The following ARAP2 variants were observed in gnomAD, a reference collection of about 807,000 sequenced individuals.
ARAP2 encodes ArfGAP with RhoGAP domain, ankyrin repeat and PH domain 2.
In ARAP2, 148 loss-of-function variants were observed where a neutral mutation model predicts 194.5. The observed-to-expected ratio is 0.76, with a 90% confidence interval of 0.67 to 0.87. ARAP2 has a LOEUF of 0.87. Ranked by LOEUF, ARAP2 falls within the 40% of genes least tolerant of loss-of-function variation. The pLI, the probability that ARAP2 is intolerant of heterozygous loss-of-function variation, is 0.00. For synonymous variants in ARAP2, 695 were observed against 683.5 expected (o/e 1.02, Z -0.26); for missense variants, 2,128 against 1,989.7 (o/e 1.07, Z -1.32).
chr4:36,216,753 C>T (rs1170179675), intron 2 of ARAP2, among the ~76,000 whole-genome samples: 2 of 151,918 alleles, frequency 1.3e-5, no homozygotes, highest in African/African-American at 2.4e-5. Flanking sequence ...CTAAAAAAAA[C>T]TAATAATCTA....
At chr4:36,055,683 C>T (rs1485178369) in intron 2 of ARAP2, among the ~76,000 whole-genome samples, 2 of 152,158 alleles carry the variant, frequency 1.3e-5, no homozygotes, top group African/African-American at 4.8e-5. Flanking sequence ...CCTACCTCAA[C>T]CTCCCAAGGA....
chr4:36,133,196 A>C, intron 20 of ARAP2, 30 bp downstream of exon 20: 1 of 1,606,118 alleles, frequency 6.2e-7, no homozygotes. Flanking sequence ...ATCAGTTCTA[A>C]GGGTTGAATA....
intron 19 of ARAP2, among the ~76,000 whole-genome samples, chr4:36,138,754 A>C (rs1184739463): frequency 6.6e-6 from 1 of 151,734 alleles, no homozygotes; most frequent in African/African-American, 2.4e-5. Context: ...TGTATAGTTA[A>C]GTGTAAACCA....
chr4:36,201,366 T>C (rs772405628), intron 6 of ARAP2, among the ~76,000 whole-genome samples: 8 of 152,188 alleles, frequency 5.3e-5, no homozygotes, highest in Admixed American at 6.5e-5. Flanking sequence ...TAGGTAGTAA[T>C]AACATTTGAC....
At position 36,187,545 on chromosome 4, in the gene ARAP2, G is replaced by A; in HGVS notation, c.1584C>T (p.Pro528=). Residue 528 remains proline, a synonymous_variant, in exon 8 of 33, where the codon CCC becomes CCT. Transcript: ENST00000303965. ...CTCGTACTGTTGATATAGCAGAAAG[G>A]GGAATTATTCCTTTCGAATACATCT... ...EKEMYSKGII[P]LSAISTVRVQ... is the part of the protein sequence containing the mutation. 3.2e-6 allele frequency: 5 copies of A among 1,563,262 alleles called. No individual in the cohort carries two copies. The highest frequency in any genetic ancestry group is 3.4e-6 in the Non-Finnish European group (4 of 1,159,492).
At chr4:36,165,475 G>C (rs1487293160) in intron 10 of ARAP2, among the ~76,000 whole-genome samples, 1 of 152,022 alleles carries the variant, frequency 6.6e-6, no homozygotes, top group Admixed American at 6.6e-5. Context: ...AGGGCTACTG[G>C]AATATTTTGC....
chr4:36,200,458 T>C, intron 6 of ARAP2, among the ~76,000 whole-genome samples: 1 of 152,084 alleles, frequency 6.6e-6, no homozygotes, highest in East Asian at 1.9e-4. Context: ...TTTCTCCGTG[T>C]TGGTCAGGCT....
Position 36,151,028 on chromosome 4 carries a change from C to T in ARAP2, c.2769G>A (p.Trp923Ter), listed in dbSNP as rs1350535206. Reference sequence around the variant, plus strand: ...TCAAGAAGCCTCCTTCCAAAACACACCATTTTTTATTTGTCTCTAAGAATT... The same window carrying T: ...TCAAGAAGCCTCCTTCCAAAACACATCATTTTTTATTTGTCTCTAAGAATT... ...KKLLEETNKKWCVLEGGFLSY... is the reference protein window; with the variant it reads ...KKLLEETNKK The change falls in exon 16 of 33, where the codon TGG becomes TGA. Residue 923 changes from tryptophan (W) to a stop codon, truncating the protein, a stop_gained. Coordinates refer to ENST00000303965, the MANE Select transcript of ARAP2 (RefSeq NM_015230.4). LOFTEE classifies it high-confidence loss of function. 6 of 1,596,252 alleles carry T rather than the reference C, an allele frequency of 3.8e-6. No homozygotes were observed. Among genetic ancestry groups the T allele is most frequent in the Non-Finnish European group, 3.4e-6 (4 of 1,174,368 alleles).
Position 36,096,315 on chromosome 4 carries a change from A to G in ARAP2, c.4286-4295T>C, listed in dbSNP as rs78227866. Among the ~76,000 whole-genome samples the G allele has an allele frequency of 5.6e-3, 823 of 145,928 alleles. 8 individuals are homozygous for G. Among genetic ancestry groups the G allele is most frequent in the African/African-American group, 0.02 (772 of 38,360 alleles). ...GAGAGGCGGAGGTTGAAGTGAGTCTAGATTGTGCCAGTGCATTCCAGTCTG... is the reference window on the plus strand; with the variant it reads ...GAGAGGCGGAGGTTGAAGTGAGTCTGGATTGTGCCAGTGCATTCCAGTCTG... On this transcript the variant is annotated intron_variant, in intron 27 of 32. Coordinates refer to ENST00000303965, the MANE Select transcript of ARAP2 (RefSeq NM_015230.4).
intron 23 of ARAP2, among the ~76,000 whole-genome samples, 163 bp from the exon 24 acceptor site, chr4:36,119,881 G>A (rs1046292365): frequency 6.6e-6 from 1 of 151,406 alleles, no homozygotes; most frequent in Non-Finnish European, 1.5e-5. Context: ...TGGAAACAAA[G>A]CCAACAAGAT....
Position 36,081,323 on chromosome 4 carries a change from CAG to C in ARAP2, c.4544+926_4544+927del, listed in dbSNP as rs1359622750. Among the ~76,000 whole-genome samples, 8 of 152,170 alleles carry C rather than the reference CAG, an allele frequency of 5.3e-5. No individual in the cohort carries two copies. The South Asian group carries it at 1.7e-3, about 32-fold the overall frequency. ...TTGACAGTTGAGTTGGTTGAGTCAT[CAG>C]GGGGAGAATGAAAGTATGACAGGAA... is the stretch of plus-strand genomic sequence containing the variant. On this transcript the variant is annotated intron_variant, in intron 30 of 32. Transcript: ENST00000303965.
At chr4:36,014,320 A>G (rs10050337) in intron 8 of ARAP2, among the ~76,000 whole-genome samples, 24,698 of 106,550 alleles carry the variant, frequency 0.23, 3,664 homozygotes, top group African/African-American at 0.46. Context: ...GAAAGAAAGA[A>G]AGAGAGAAAG....
At chr4:36,181,509 A>T (rs1269621692) in intron 8 of ARAP2, among the ~76,000 whole-genome samples, 2 of 152,218 alleles carry the variant, frequency 1.3e-5, no homozygotes, top group Non-Finnish European at 2.9e-5. Context: ...ACTAGAGATT[A>T]CTACATAAGG....
Position 36,118,266 on chromosome 4 carries a change from GAC to G in ARAP2, c.3964-1133_3964-1132del, listed in dbSNP as rs148719499. 2.1e-3 allele frequency among the ~76,000 whole-genome samples: 296 copies of G among 142,944 alleles called. 1 individual carries two copies. Among genetic ancestry groups the G allele is most frequent in the African/African-American group, 7.0e-3 (276 of 39,388 alleles). 93.8% of individuals were successfully genotyped at this position (142,944 alleles called of 152,430 possible). ...TTTGCATAAACAGCTCTCCAGGAAG[GAC>G]ACATTTTAAAACTTAAAAAGTTAAA... On this transcript the variant is annotated intron_variant, in intron 24 of 32. Coordinates refer to ENST00000303965, the MANE Select transcript of ARAP2 (RefSeq NM_015230.4).
At position 36,235,648 on chromosome 4, in the gene ARAP2, A is replaced by G. The variant is rs150872901; in HGVS notation, c.-159-6003T>C. On this transcript the variant is annotated intron_variant, in intron 1 of 32. Coordinates refer to ENST00000303965, the MANE Select transcript of ARAP2 (RefSeq NM_015230.4). ...TACTGTTCACTGCTCAGCTCAATAA[A>G]TGTTTGCTGAATAATTTCTCCCTTG... is the stretch of plus-strand genomic sequence containing the variant. 2.1e-3 allele frequency among the ~76,000 whole-genome samples: 316 copies of G among 152,314 alleles called. 1 individual carries two copies. Among genetic ancestry groups the G allele is most frequent in the African/African-American group, 7.1e-3 (294 of 41,558 alleles).
chr4:36,056,757 C>A (rs13144281), intron 2 of ARAP2, among the ~76,000 whole-genome samples: 11,084 of 151,706 alleles, frequency 0.073, 547 homozygotes, highest in Middle Eastern at 0.18. Context: ...TTCCATTTTT[C>A]TTTTCTATAA....
rs144607712 is a variant in ARAP2, at chr4:36,238,322, T to C, written c.-160+5857A>G. On this transcript the variant is annotated intron_variant, in intron 1 of 32. Transcript: ENST00000303965. ...ATAATAACCAGTAGTTGTGGATGTTTGCAAACCATTTTTGTAGGACCTCAT... is the reference window on the plus strand; with the variant it reads ...ATAATAACCAGTAGTTGTGGATGTTCGCAAACCATTTTTGTAGGACCTCAT... Among the ~76,000 whole-genome samples the C allele has an allele frequency of 2.5e-3, 388 of 152,332 alleles. 3 individuals are homozygous for C. The highest frequency in any genetic ancestry group is 7.9e-3 in the African/African-American group (328 of 41,568).
intron 22 of ARAP2, 49 bp downstream of exon 22, chr4:36,124,812 TA>T (rs1459679424): frequency 1.8e-6 from 2 of 1,126,516 alleles, no homozygotes; most frequent in African/African-American, 3.1e-5. Context: ...AATAATGACT[TA>T]TTGAGTGCTG....
At position 36,155,656 on chromosome 4, in the gene ARAP2, T is replaced by A. The variant is rs1051851835; in HGVS notation, c.2752+3074A>T. On this transcript the variant is annotated intron_variant, in intron 15 of 32. Transcript: ENST00000303965. ...GTCTTTTTTATTTTTTATTTATTTT[T>A]TTTTTTATTTTTAATTTTTTTTTTA... Among the ~76,000 whole-genome samples, 52 of 151,720 alleles carry A rather than the reference T, an allele frequency of 3.4e-4. 1 individual carries two copies. Among genetic ancestry groups the A allele is most frequent in the South Asian group, 6.2e-4 (3 of 4,816 alleles).
Sources: allele counts gnomAD v4.1 joint callset (sites outside exome capture counted in the v4.1 genomes callset), GRCh38; gene constraint gnomAD v4.1.1; transcripts MANE v1.5; gene names NCBI Gene and HGNC (gene_info 2026-07-23, HGNC 2026-07-21).